Variants in TLE2 observed in about 807,000 individuals in gnomAD.
TLE2 encodes the protein transducin-like enhancer protein 2.
Under a neutral mutation model 97.2 loss-of-function variants are expected in TLE2, and 74 were observed. That is an observed-to-expected ratio of 0.76 (90% CI 0.63 to 0.92). The LOEUF is 0.92. TLE2 is among the 40% of genes least tolerant of loss of function. TLE2 has a pLI of 0.00. For synonymous variants in TLE2, 499 were observed against 432.1 expected (o/e 1.15, Z -1.92); for missense variants, 1,038 against 1,008.7 (o/e 1.03, Z -0.39).
At chr19:3,018,334 G>A (rs1052707067) in intron 7 of TLE2, among the ~76,000 whole-genome samples, 62 of 151,950 alleles carry the variant, frequency 4.1e-4, no homozygotes, top group African/African-American at 1.5e-3. Flanking sequence ...ATGAGACAGA[G>A]TCTCACTCTG....
intron 17 of TLE2, 74 bp from the exon 18 acceptor site, chr19:3,002,577 C>T (rs2089387474): frequency 2.6e-6 from 4 of 1,517,444 alleles, no homozygotes; most frequent in African/African-American, 1.4e-5. Context: ...CTCACTCCGT[C>T]ACCCAGGCTG....
intron 2 of TLE2, 32 bp from the exon 3 acceptor site, chr19:3,028,414 A>ACCCG: frequency 1.3e-6 from 2 of 1,568,398 alleles, no homozygotes; most frequent in Non-Finnish European, 1.7e-6. Context: ...AGGGGCTCCC[A>ACCCG]CCCGCCCCAT....
Position 3,025,057 on chromosome 19 carries a change from C to A in TLE2, c.257G>T (p.Gly86Val), listed in dbSNP as rs1244770556. Residue 86 changes from glycine (G) to valine (V), a missense_variant, in exon 5 of 20, where the codon GGT becomes GTT. Gly to Val is a moderately radical substitution (Grantham distance 109). Transcript: ENST00000262953. ...GAAGGGGATAATCTGAGCGCAGATA[C>A]CGCTCAGACGCTTCACAATCTCCGC... ...KQAEIVKRLS[G>V]ICAQIIPFLT... 6.3e-7 allele frequency: 1 copy of A among 1,595,208 alleles called. No individual in the cohort carries two copies. Among genetic ancestry groups the A allele is most frequent in the African/African-American group, 1.3e-5 (1 of 74,588 alleles).
At chr19:3,025,419 C>G in intron 4 of TLE2, 1 of 1,125,020 alleles carries the variant, frequency 8.9e-7, no homozygotes, top group Non-Finnish European at 1.1e-6. Context: ...CGCAGACACT[C>G]AGAGGTGCTG....
At chr19:3,009,889 T>C (rs56322397) in intron 12 of TLE2, among the ~76,000 whole-genome samples, 187 bp from the exon 13 acceptor site, 4 of 100,254 alleles carry the variant, frequency 4.0e-5, no homozygotes, top group African/African-American at 3.3e-5. Flanking sequence ...CTCTCTCTCT[T>C]TTTTTCTTTT....
intron 4 of TLE2, among the ~76,000 whole-genome samples, chr19:3,026,645 T>G (rs1044210379): frequency 4.8e-5 from 7 of 147,030 alleles, no homozygotes; most frequent in Non-Finnish European, 1.0e-4. Flanking sequence ...ACCCTGTCTA[T>G]CTCAGAACCC....
At chr19:3,033,129 C>T (rs1254561576), upstream of TLE2, among the ~76,000 whole-genome samples, 1 of 151,774 alleles carries the variant, frequency 6.6e-6, no homozygotes, top group Non-Finnish European at 1.5e-5. Context: ...TCTCCTGCCT[C>T]AGCTTCTCGA....
At chr19:3,018,233 G>C (rs7246941) in intron 7 of TLE2, among the ~76,000 whole-genome samples, 46,110 of 151,960 alleles carry the variant, frequency 0.3, 7,488 homozygotes, top group African/African-American at 0.42. Context: ...CCGGGCTCAA[G>C]TGATTGTCCC....
At position 3,009,580 on chromosome 19, in the gene TLE2, G is replaced by C. The variant is rs765448685; in HGVS notation, c.1135C>G (p.Gln379Glu). 1.9e-6 allele frequency: 3 copies of C among 1,613,064 alleles called. No individual in the cohort carries two copies. Among genetic ancestry groups the C allele is most frequent in the African/African-American group, 1.3e-5 (1 of 74,894 alleles). Residue 379 changes from glutamine (Q) to glutamate (E), a missense_variant, in exon 13 of 20, where the codon CAG becomes GAG. By Grantham distance (29) the Gln-to-Glu change is conservative. Transcript: ENST00000262953. ...SSYVSLHLSPQVSSSVVYGRS... is the reference protein window; with the variant it reads ...SSYVSLHLSPEVSSSVVYGRS... ...CCGTACACCACAGAGCTGCTGACCT[G>C]GGGGGACAGGTGGAGGCTGACGTAG...
intron 17 of TLE2, among the ~76,000 whole-genome samples, chr19:3,003,926 C>G (rs559223136): frequency 1.1e-4 from 17 of 152,186 alleles, no homozygotes; most frequent in Non-Finnish European, 1.5e-5. Context: ...AGGCTGGTCT[C>G]GAACTCCTGA....
At chr19:3,042,953 G>A (rs1292433385) in intron 1 of TLE2, among the ~76,000 whole-genome samples, 4 of 151,940 alleles carry the variant, frequency 2.6e-5, no homozygotes, top group African/African-American at 4.8e-5. Flanking sequence ...AGGCAGGGGC[G>A]GTTTCAGCTC....
At chr19:2,999,324 A>G (rs1378624549) in intron 19 of TLE2, among the ~76,000 whole-genome samples, 47 of 151,924 alleles carry the variant, frequency 3.1e-4, no homozygotes, top group Admixed American at 3.1e-3. Context: ...CGGGCATATT[A>G]AAAACACTGT....
intron 5 of TLE2, among the ~76,000 whole-genome samples, chr19:3,022,308 G>C (rs1164962134): frequency 6.6e-6 from 1 of 152,080 alleles, no homozygotes; most frequent in Non-Finnish European, 1.5e-5. Flanking sequence ...GATCACCTGA[G>C]GTCAGTAGTT....
At chr19:3,018,641 G>A (rs1458366048) in intron 7 of TLE2, among the ~76,000 whole-genome samples, 1 of 148,626 alleles carries the variant, frequency 6.7e-6, no homozygotes, top group East Asian at 2.0e-4. Flanking sequence ...TTGAGACAGA[G>A]TCTCACTCTC....
At chr19:3,040,991 T>A (rs1427045200) in intron 1 of TLE2, among the ~76,000 whole-genome samples, 1 of 29,732 alleles carries the variant, frequency 3.4e-5, no homozygotes, top group Admixed American at 4.6e-4. Flanking sequence ...CTGCTGCCAT[T>A]TATATATATA....
chr19:3,000,604 G>T, intron 19 of TLE2, 43 bp downstream of exon 19: 1 of 1,537,846 alleles, frequency 6.5e-7, no homozygotes, highest in Non-Finnish European at 8.8e-7. Flanking sequence ...GCATACCCGG[G>T]CACATGGCCC....
upstream of TLE2, among the ~76,000 whole-genome samples, chr19:3,046,616 G>T (rs1485306706): frequency 6.6e-6 from 1 of 151,300 alleles, no homozygotes; most frequent in Admixed American, 6.6e-5. Context: ...CTGCCACCGG[G>T]GCCTGTGGGA....
intron 1 of TLE2, among the ~76,000 whole-genome samples, chr19:3,034,940 G>A (rs1176033619): frequency 6.6e-6 from 1 of 152,172 alleles, no homozygotes; most frequent in African/African-American, 2.4e-5. Flanking sequence ...AGAGCCGGGC[G>A]AGGAACAGGG....
chr19:3,021,334 G>A (rs919551343), intron 5 of TLE2, among the ~76,000 whole-genome samples: 2 of 151,530 alleles, frequency 1.3e-5, no homozygotes, highest in Admixed American at 6.6e-5. Context: ...GAACCCGGGA[G>A]TTAGAGATTG....
Sources: gnomAD v4.1 joint callset for allele counts (sites outside exome capture counted in the v4.1 genomes callset) on GRCh38, gnomAD v4.1.1 for gene constraint, MANE v1.5 for transcripts, NCBI Gene and HGNC (gene_info 2026-07-23, HGNC 2026-07-21) for gene names.